The following GRIK4 variants were observed in gnomAD, a reference collection of about 807,000 sequenced individuals.
GRIK4 encodes the protein glutamate ionotropic receptor kainate type subunit 4, also known as glutamate receptor ionotropic, kainate 4.
GRIK4 carries 40 observed loss-of-function variants against 104.9 expected under a neutral mutation model. The observed-to-expected ratio is 0.38, with a 90% confidence interval of 0.30 to 0.50. The LOEUF (loss-of-function observed/expected upper bound fraction) is 0.50. GRIK4 is among the 20% of genes least tolerant of loss of function. GRIK4 has a pLI of 0.93. For missense variants in GRIK4, 1,047 were observed against 1,308.1 expected, an observed-to-expected ratio of 0.80 and a Z score of 3.08; for synonymous variants, 485 against 524.9, an observed-to-expected ratio of 0.92 and a Z score of 1.04.
At position 120,563,199 on chromosome 11, in the gene GRIK4, G is replaced by A. The variant is rs533271537; in HGVS notation, c.-159+51312G>A. On this transcript the variant is annotated intron_variant, in intron 1 of 20. Transcript: ENST00000527524. ...CGCAGTGTCTAGTATCAGCCTCTTTGTCCATGTGGGATAGGGATTGCTTGG... is the reference window on the plus strand; with the variant it reads ...CGCAGTGTCTAGTATCAGCCTCTTTATCCATGTGGGATAGGGATTGCTTGG... Among the ~76,000 whole-genome samples, 3 of 152,292 alleles carry A rather than the reference G, an allele frequency of 2.0e-5. No individual in the cohort carries two copies. The South Asian group carries it at 6.2e-4, about 32-fold the overall frequency.
intron 13 of GRIK4, among the ~76,000 whole-genome samples, chr11:120,935,098 A>G (rs1007389745): frequency 6.6e-6 from 1 of 152,230 alleles, no homozygotes; most frequent in Non-Finnish European, 1.5e-5. Context: ...GGGACCACTC[A>G]TGTAAGCGCT....
intron 3 of GRIK4, among the ~76,000 whole-genome samples, chr11:120,737,433 A>T (rs949299): frequency 0.75 from 113,687 of 152,108 alleles, 42,852 homozygotes; most frequent in Middle Eastern, 0.85. Flanking sequence ...CTAAAAGAAT[A>T]GAACTTGAGC....
chr11:120,596,687 G>A (rs1039920071), intron 1 of GRIK4, among the ~76,000 whole-genome samples: 1 of 152,032 alleles, frequency 6.6e-6, no homozygotes, highest in Admixed American at 6.5e-5. Flanking sequence ...GGGAAAATGA[G>A]GGCAGAGGGT....
rs182179811 is a variant in GRIK4, at chr11:120,960,323, G to A, written c.1875-586G>A. 3.9e-5 allele frequency among the ~76,000 whole-genome samples: 6 copies of A among 152,118 alleles called. No individual in the cohort carries two copies. In the South Asian group the frequency reaches 6.2e-4, roughly 16 times the overall value. On this transcript the variant is annotated intron_variant, in intron 16 of 20. Coordinates refer to ENST00000527524, the MANE Select transcript of GRIK4 (RefSeq NM_014619.5). The stretch of plus-strand genomic sequence containing the variant: ...CAGCCTGGCAACAGAGCAAGACTCC[G>A]TCTCAAAAAAAAACAAAGAATGTAT...
intron 1 of GRIK4, among the ~76,000 whole-genome samples, chr11:120,616,334 G>T (rs1023793224): frequency 6.6e-6 from 1 of 152,192 alleles, no homozygotes; most frequent in Non-Finnish European, 1.5e-5. Flanking sequence ...TAAGAGATCC[G>T]CAGGTGCACC....
At chr11:120,899,773 T>C (rs1046653676) in intron 12 of GRIK4, among the ~76,000 whole-genome samples, 2 of 152,218 alleles carry the variant, frequency 1.3e-5, no homozygotes, top group African/African-American at 4.8e-5. Context: ...TAAAGCACTT[T>C]TCCCTGCCTG....
intron 8 of GRIK4, among the ~76,000 whole-genome samples, chr11:120,854,833 G>C (rs893132876): frequency 6.6e-6 from 1 of 152,046 alleles, no homozygotes; most frequent in Non-Finnish European, 1.5e-5. Context: ...TTAAAAAAGA[G>C]AAAAATAAAG....
At chr11:120,924,684 C>T (rs1427896775) in intron 13 of GRIK4, among the ~76,000 whole-genome samples, 1 of 152,158 alleles carries the variant, frequency 6.6e-6, no homozygotes, top group African/African-American at 2.4e-5. Context: ...CTCCTCATCT[C>T]TAAATAGGTT....
chr11:120,877,667 G>C (rs1405031635), intron 11 of GRIK4, among the ~76,000 whole-genome samples: 1 of 152,192 alleles, frequency 6.6e-6, no homozygotes, highest in Non-Finnish European at 1.5e-5. Flanking sequence ...TCTAGTAGGG[G>C]ACAGGCAGTG....
intron 8 of GRIK4, among the ~76,000 whole-genome samples, chr11:120,854,658 T>C (rs1479967684): frequency 6.6e-6 from 1 of 152,196 alleles, no homozygotes; most frequent in Non-Finnish European, 1.5e-5. Flanking sequence ...GCATGAAACA[T>C]GCATTCCTTG....
At chr11:120,605,663 C>T (rs2135138170) in intron 1 of GRIK4, among the ~76,000 whole-genome samples, 1 of 152,316 alleles carries the variant, frequency 6.6e-6, no homozygotes, top group Non-Finnish European at 1.5e-5. Flanking sequence ...GTGAGGGAGG[C>T]CTTGTTTTCA....
intron 3 of GRIK4, among the ~76,000 whole-genome samples, chr11:120,757,571 G>GA (rs2135434305): frequency 6.6e-6 from 1 of 152,350 alleles, no homozygotes; most frequent in African/African-American, 2.4e-5. Flanking sequence ...GTGAAAGGGA[G>GA]AAGAGTTCCC....
At chr11:120,799,529 G>A (rs966652259) in intron 3 of GRIK4, among the ~76,000 whole-genome samples, 1 of 152,264 alleles carries the variant, frequency 6.6e-6, no homozygotes, top group Non-Finnish European at 1.5e-5. Flanking sequence ...TGGTCAGGGT[G>A]CAAGGTCTGG....
intron 1 of GRIK4, among the ~76,000 whole-genome samples, chr11:120,522,630 CT>C (rs1947809664): frequency 6.6e-6 from 1 of 152,162 alleles, no homozygotes; most frequent in East Asian, 1.9e-4. Flanking sequence ...TCCCATGGGT[CT>C]TTGTTCTGCA....
At chr11:120,676,912 G>A (rs1950107014) in intron 3 of GRIK4, among the ~76,000 whole-genome samples, 1 of 152,224 alleles carries the variant, frequency 6.6e-6, no homozygotes, top group African/African-American at 2.4e-5. Context: ...GGGAGGCTAA[G>A]CCGCTGGAAA....
chr11:120,701,030 C>G (rs1335360624), intron 3 of GRIK4, among the ~76,000 whole-genome samples: 1 of 152,198 alleles, frequency 6.6e-6, no homozygotes, highest in Non-Finnish European at 1.5e-5. Flanking sequence ...GAGCAATACG[C>G]TGTTTCATGT....
intron 3 of GRIK4, among the ~76,000 whole-genome samples, chr11:120,799,656 C>T (rs553633498): frequency 3.3e-5 from 5 of 152,116 alleles, no homozygotes; most frequent in Non-Finnish European, 5.9e-5. Context: ...ATAAAATATC[C>T]ACCTCATGGA....
chr11:120,819,352 C>T lies in GRIK4; in HGVS notation c.346-403C>T, dbSNP rs562199358. ...AGCGATTTTTCTCTTTCTGCCGTCT[C>T]TGCTCTGATGTATTAACTACAAATA... On this transcript the variant is annotated intron_variant, in intron 5 of 20. Coordinates refer to ENST00000527524, the MANE Select transcript of GRIK4 (RefSeq NM_014619.5). The surrounding 1 kb of genome is among the most constrained non-coding windows in gnomAD (Gnocchi z 4.3). Among the ~76,000 whole-genome samples the T allele has an allele frequency of 4.6e-5, 7 of 152,304 alleles. No homozygotes were observed. The highest frequency in any genetic ancestry group is 1.7e-4 in the African/African-American group (7 of 41,580).
intron 8 of GRIK4, among the ~76,000 whole-genome samples, chr11:120,847,131 C>T (rs970384783): frequency 6.6e-6 from 1 of 152,178 alleles, no homozygotes; most frequent in Admixed American, 6.5e-5. Flanking sequence ...TTGTTGAGAG[C>T]ATCTAACTAA....
Sources: gnomAD v4.1 joint callset for allele counts (sites outside exome capture counted in the v4.1 genomes callset) on GRCh38, gnomAD v4.1.1 for gene constraint, Gnocchi (gnomAD v3.1) non-coding constraint, MANE v1.5 for transcripts, NCBI Gene and HGNC (gene_info 2026-07-23, HGNC 2026-07-21) for gene names.